The following THSD7B variants were observed in gnomAD, a reference collection of about 807,000 sequenced individuals.
THSD7B encodes thrombospondin type-1 domain-containing protein 7B.
THSD7B carries 138 observed loss-of-function variants against 213.6 expected under a neutral mutation model. That is an observed-to-expected ratio of 0.65 (90% CI 0.56 to 0.74). The LOEUF is 0.74. Among genes scored for constraint, THSD7B ranks in the 30% least tolerant of loss-of-function variants. THSD7B has a pLI of 0.00. For missense variants in THSD7B, 1,931 were observed against 1,991.5 expected (o/e 0.97, Z 0.58); for synonymous variants, 742 against 687.0 (o/e 1.08, Z -1.25).
At chr2:136,897,619 G>C (rs1683983048) in intron 2 of THSD7B, among the ~76,000 whole-genome samples, 1 of 152,144 alleles carries the variant, frequency 6.6e-6, no homozygotes, top group Admixed American at 6.5e-5. Flanking sequence ...GACCCAAGCA[G>C]GTTGCCGCTG....
chr2:137,239,777 A>G (rs1033960018), intron 9 of THSD7B, among the ~76,000 whole-genome samples: 4 of 152,202 alleles, frequency 2.6e-5, no homozygotes, highest in African/African-American at 7.2e-5. Flanking sequence ...TTGGGCTGCT[A>G]TAACAAAAAT....
chr2:137,019,174 C>T (rs1686396601), intron 2 of THSD7B, among the ~76,000 whole-genome samples: 2 of 152,192 alleles, frequency 1.3e-5, no homozygotes, highest in African/African-American at 4.8e-5. Context: ...GGACACCCCA[C>T]TCGCCTCCAT....
In THSD7B at chr2:136,957,211, G is replaced by A. The variant is rs1244307789; in HGVS notation, c.139+74894G>A. ...ACATACTCTGAGGCCTTGGGCTGGT[G>A]TAACCAGAAAGAGACTCATTTCTTC... On this transcript the variant is annotated intron_variant, in intron 2 of 27. Transcript: ENST00000409968. Among the ~76,000 whole-genome samples, 3 of 152,290 alleles carry A rather than the reference G, an allele frequency of 2.0e-5. No homozygotes were observed. In the East Asian group the frequency reaches 5.8e-4, roughly 29 times the overall value.
intron 15 of THSD7B, among the ~76,000 whole-genome samples, chr2:137,556,826 A>C (rs1680981123): frequency 6.6e-6 from 1 of 152,226 alleles, no homozygotes. Context: ...ACATAGGCTC[A>C]AAAGAAAGGG....
chr2:137,118,691 A>G (rs1244808358), intron 5 of THSD7B, among the ~76,000 whole-genome samples: 2 of 152,122 alleles, frequency 1.3e-5, no homozygotes, highest in African/African-American at 2.4e-5. Flanking sequence ...CTGGCCTCAG[A>G]GTTGGCATTA....
intron 14 of THSD7B, among the ~76,000 whole-genome samples, chr2:137,433,290 G>A (rs1687223678): frequency 6.6e-6 from 1 of 151,900 alleles, no homozygotes; most frequent in Admixed American, 6.6e-5. Flanking sequence ...ACACTCTTTT[G>A]GACACAAAAG....
At chr2:137,308,310 T>A (rs930793868) in intron 12 of THSD7B, among the ~76,000 whole-genome samples, 2 of 152,072 alleles carry the variant, frequency 1.3e-5, no homozygotes, top group African/African-American at 4.8e-5. Flanking sequence ...GGCTGTGAGC[T>A]TCCTGATCAG....
chr2:137,527,374 T>A (rs966961510), intron 15 of THSD7B, among the ~76,000 whole-genome samples: 1 of 152,092 alleles, frequency 6.6e-6, no homozygotes, highest in Non-Finnish European at 1.5e-5. Context: ...TTTTCATTTG[T>A]CCAGAGGTGT....
intron 1 of THSD7B, among the ~76,000 whole-genome samples, chr2:136,877,482 G>A (rs1006843532): frequency 3.9e-5 from 6 of 152,136 alleles, no homozygotes; most frequent in Non-Finnish European, 8.8e-5. Flanking sequence ...CTTTCAGCTG[G>A]AGCACTCCAC....
intron 15 of THSD7B, among the ~76,000 whole-genome samples, chr2:137,456,515 A>G (rs1234907791): frequency 6.6e-6 from 1 of 152,196 alleles, no homozygotes; most frequent in African/African-American, 2.4e-5. Context: ...CGACTCTCTG[A>G]TCCTGACCTA....
intron 7 of THSD7B, among the ~76,000 whole-genome samples, chr2:137,220,337 T>TA (rs540733389): frequency 2.7e-4 from 40 of 150,432 alleles, no homozygotes; most frequent in Middle Eastern, 3.5e-3. Context: ...AACTCAACAA[T>TA]AAAAAAAAAT....
chr2:137,652,072 G>C lies in THSD7B; in HGVS notation c.3946-3429G>C, dbSNP rs925410013. 3.3e-5 allele frequency among the ~76,000 whole-genome samples: 5 copies of C among 151,976 alleles called. No individual in the cohort carries two copies. In the East Asian group the frequency reaches 9.6e-4, roughly 29 times the overall value. ...CTATAAATATCTGTTAGACCTATTT[G>C]GTATAATGTAGTTTAACTCTAGTGT... is the stretch of plus-strand genomic sequence containing the variant. On this transcript the variant is annotated intron_variant, in intron 21 of 27. Coordinates refer to ENST00000409968, the MANE Select transcript of THSD7B (RefSeq NM_001316349.2).
At chr2:136,891,865 G>A (rs764543094) in intron 2 of THSD7B, among the ~76,000 whole-genome samples, 1 of 152,170 alleles carries the variant, frequency 6.6e-6, no homozygotes, top group Non-Finnish European at 1.5e-5. Flanking sequence ...ACACATCAGT[G>A]GGTCATTAGG....
At chr2:137,650,996 T>G (rs1683127421) in intron 21 of THSD7B, among the ~76,000 whole-genome samples, 1 of 152,214 alleles carries the variant, frequency 6.6e-6, no homozygotes, top group Non-Finnish European at 1.5e-5. Context: ...ATCAGGATTT[T>G]TACATTTATT....
intron 2 of THSD7B, among the ~76,000 whole-genome samples, chr2:137,008,608 T>TTG (rs1296226539): frequency 2.0e-5 from 3 of 152,084 alleles, no homozygotes; most frequent in Non-Finnish European, 2.9e-5. Flanking sequence ...TCTCTGGGAT[T>TTG]TGTGTGTGTG....
intron 4 of THSD7B, among the ~76,000 whole-genome samples, chr2:137,098,398 T>C (rs1415362637): frequency 6.6e-6 from 1 of 152,172 alleles, no homozygotes; most frequent in Non-Finnish European, 1.5e-5. Flanking sequence ...CCTCATGCCC[T>C]GGAACCTAAA....
At chr2:136,925,607 C>T (rs151017629) in intron 2 of THSD7B, among the ~76,000 whole-genome samples, 224 of 152,224 alleles carry the variant, frequency 1.5e-3, no homozygotes, top group Non-Finnish European at 2.3e-3. Flanking sequence ...CATCAATATT[C>T]ATTAAGGATA....
intron 14 of THSD7B, among the ~76,000 whole-genome samples, chr2:137,448,763 C>T (rs1278959535): frequency 3.9e-5 from 6 of 151,910 alleles, no homozygotes. Context: ...TGCGCCACTG[C>T]ACTCCAGCCT....
At chr2:136,965,507 C>G (rs1685298910) in intron 2 of THSD7B, among the ~76,000 whole-genome samples, 2 of 152,168 alleles carry the variant, frequency 1.3e-5, no homozygotes, top group Admixed American at 1.3e-4. Context: ...GTAGTGGGGA[C>G]AAGTACATAA....
Sources: allele counts gnomAD v4.1 joint callset (sites outside exome capture counted in the v4.1 genomes callset), GRCh38; gene constraint gnomAD v4.1.1; transcripts MANE v1.5; gene names NCBI Gene and HGNC (gene_info 2026-07-23, HGNC 2026-07-21).